The following KCND2 variants were observed in gnomAD, a reference collection of about 807,000 sequenced individuals.
KCND2 encodes the protein potassium voltage-gated channel subfamily D member 2.
Under a neutral mutation model 54.4 loss-of-function variants are expected in KCND2, and 16 were observed. The observed-to-expected ratio is 0.29, with a 90% CI of 0.20 to 0.45. The LOEUF (loss-of-function observed/expected upper bound fraction) is 0.45, where lower values mean the gene tolerates loss of function less well. Ranked by LOEUF, KCND2 falls within the 20% of genes least tolerant of loss-of-function variation. KCND2 has a pLI of 1.00. For synonymous variants in KCND2, 317 were observed against 310.7 expected (o/e 1.02, Z -0.21); for missense variants, 486 against 824.2 (o/e 0.59, Z 5.02).
At chr7:120,565,673 A>G (rs1019412766) in intron 1 of KCND2, among the ~76,000 whole-genome samples, 2 of 152,174 alleles carry the variant, frequency 1.3e-5, no homozygotes, top group Non-Finnish European at 2.9e-5. Context: ...TAAAGTGCAT[A>G]TCTATTAAGT....
chr7:120,438,663 G>A (rs952270063), intron 1 of KCND2, among the ~76,000 whole-genome samples: 4 of 151,972 alleles, frequency 2.6e-5, no homozygotes, highest in African/African-American at 9.7e-5. Context: ...AAGAATTCCT[G>A]CATATTAATT....
intron 1 of KCND2, among the ~76,000 whole-genome samples, chr7:120,452,365 C>T (rs1802125701): frequency 6.6e-6 from 1 of 152,136 alleles, no homozygotes; most frequent in Non-Finnish European, 1.5e-5. Context: ...CACTTACACT[C>T]GGAGCCAAGA....
chr7:120,658,764 A>G (rs1284438943), intron 1 of KCND2, among the ~76,000 whole-genome samples: 1 of 152,224 alleles, frequency 6.6e-6, no homozygotes, highest in East Asian at 1.9e-4. Context: ...TATTATAATC[A>G]TCTTACTGCC....
chr7:120,484,732 CAAAG>C (rs1159936021), intron 1 of KCND2, among the ~76,000 whole-genome samples: 4 of 148,620 alleles, frequency 2.7e-5, no homozygotes, highest in Non-Finnish European at 4.4e-5. Context: ...CACACACACA[CAAAG>C]AATTTCTTGT....
intron 1 of KCND2, among the ~76,000 whole-genome samples, chr7:120,659,419 A>T (rs1315109589): frequency 6.6e-6 from 1 of 152,194 alleles, no homozygotes; most frequent in Non-Finnish European, 1.5e-5. Context: ...AGAGTCCTTA[A>T]TCTAACAAAC....
At chr7:120,744,628 G>T (rs1792982406) in intron 4 of KCND2, among the ~76,000 whole-genome samples, 1 of 152,070 alleles carries the variant, frequency 6.6e-6, no homozygotes, top group African/African-American at 2.4e-5. Context: ...AGACTTTAAA[G>T]AGTAGAATGT....
chr7:120,690,550 A>C (rs1298013124), intron 1 of KCND2, among the ~76,000 whole-genome samples: 1 of 152,160 alleles, frequency 6.6e-6, no homozygotes, highest in Non-Finnish European at 1.5e-5. Context: ...CATCACTGAC[A>C]CCTTTTTCTT....
intron 1 of KCND2, among the ~76,000 whole-genome samples, chr7:120,670,593 C>T (rs551186463): frequency 3.3e-5 from 5 of 152,022 alleles, no homozygotes; most frequent in Non-Finnish European, 7.4e-5. Flanking sequence ...CCCCACCTCC[C>T]TCCAGCTTCC....
At chr7:120,543,021 C>T (rs1791997874) in intron 1 of KCND2, among the ~76,000 whole-genome samples, 1 of 152,036 alleles carries the variant, frequency 6.6e-6, no homozygotes, top group African/African-American at 2.4e-5. Context: ...TGCACACATA[C>T]ACACAGCCCT....
At chr7:120,427,726 T>A (rs1425391648) in intron 1 of KCND2, among the ~76,000 whole-genome samples, 3 of 152,232 alleles carry the variant, frequency 2.0e-5, no homozygotes, top group Non-Finnish European at 4.4e-5. Context: ...TCAATATTTT[T>A]AAATCAAAAA....
chr7:120,555,565 C>G (rs368684562), intron 1 of KCND2, among the ~76,000 whole-genome samples: 24 of 152,298 alleles, frequency 1.6e-4, no homozygotes, highest in African/African-American at 5.5e-4. Flanking sequence ...AGTGAGTTCT[C>G]TACAAAATCC....
chr7:120,502,575 C>T (rs763403126), intron 1 of KCND2, among the ~76,000 whole-genome samples: 32 of 152,046 alleles, frequency 2.1e-4, no homozygotes, highest in Admixed American at 6.6e-5. Flanking sequence ...ACATTTCCAG[C>T]TTTGGTGTGC....
At chr7:120,457,668 C>T (rs946939671) in intron 1 of KCND2, among the ~76,000 whole-genome samples, 1 of 152,208 alleles carries the variant, frequency 6.6e-6, no homozygotes, top group African/African-American at 2.4e-5. Flanking sequence ...ATCTTCCTGT[C>T]TTCTGCGCCC....
intron 1 of KCND2, among the ~76,000 whole-genome samples, chr7:120,618,487 G>T (rs1035787140): frequency 6.6e-6 from 1 of 151,978 alleles, no homozygotes; most frequent in Non-Finnish European, 1.5e-5. Flanking sequence ...ACTTTACGGT[G>T]CCTCTTTATA....
intron 1 of KCND2, among the ~76,000 whole-genome samples, chr7:120,680,596 A>G (rs1297285008): frequency 6.6e-6 from 1 of 152,122 alleles, no homozygotes; most frequent in Admixed American, 6.6e-5. Flanking sequence ...CACCCGATGC[A>G]TATTGTTCCT....
chr7:120,368,002 G>T (rs995741511), intron 1 of KCND2, among the ~76,000 whole-genome samples: 1 of 152,024 alleles, frequency 6.6e-6, no homozygotes, highest in East Asian at 1.9e-4. Flanking sequence ...AATTCAGCCC[G>T]GCAAGCCGTA....
intron 1 of KCND2, among the ~76,000 whole-genome samples, chr7:120,524,222 A>G (rs1026736462): frequency 3.3e-5 from 5 of 151,980 alleles, no homozygotes; most frequent in Non-Finnish European, 7.4e-5. Flanking sequence ...GCGACAGAGC[A>G]AGACTCCGTC....
Position 120,589,100 on chromosome 7 carries a change from C to T in KCND2, c.1116-143803C>T, listed in dbSNP as rs114553521. ...TAACCCTAAATTTGGAGCTAACACA[C>T]GTTTATTATTTTACAAAGCTGAACT... On this transcript the variant is annotated intron_variant, in intron 1 of 5. Transcript: ENST00000331113. Among the ~76,000 whole-genome samples, 745 of 152,192 alleles carry T rather than the reference C, an allele frequency of 4.9e-3. 8 individuals carry two copies. Among genetic ancestry groups the T allele is most frequent in the African/African-American group, 0.017 (705 of 41,518 alleles).
intron 1 of KCND2, among the ~76,000 whole-genome samples, chr7:120,707,292 G>A (rs981029544): frequency 2.6e-5 from 4 of 152,096 alleles, no homozygotes; most frequent in Non-Finnish European, 5.9e-5. Context: ...ACAAATTTTA[G>A]CATTTGTACC....
Sources: gnomAD v4.1 joint callset for allele counts (sites outside exome capture counted in the v4.1 genomes callset) on GRCh38, gnomAD v4.1.1 for gene constraint, MANE v1.5 for transcripts, NCBI Gene and HGNC (gene_info 2026-07-23, HGNC 2026-07-21) for gene names.